The following COL5A1 variants were observed in gnomAD, a reference collection of about 807,000 sequenced individuals.
The protein encoded by COL5A1 is collagen alpha-1(V) chain.
In COL5A1, 16 loss-of-function variants were observed where a neutral mutation model predicts 263.7. The observed-to-expected ratio is 0.06, with a 90% CI of 0.04 to 0.09. The LOEUF (loss-of-function observed/expected upper bound fraction) is 0.09. COL5A1 is among the 10% of genes least tolerant of loss of function. The probability of loss-of-function intolerance (pLI) is 1.00; values close to 1 mark genes in which losing one functional copy is unlikely to be tolerated. For missense variants in COL5A1, 2,036 were observed against 2,540.5 expected (o/e 0.80, Z 4.27); for synonymous variants, 1,012 against 1,004.5 (o/e 1.01, Z -0.14).
At chr9:134,666,758 A>T (rs1564374886) in intron 1 of COL5A1, among the ~76,000 whole-genome samples, 1 of 152,134 alleles carries the variant, frequency 6.6e-6, no homozygotes, top group Non-Finnish European at 1.5e-5. Flanking sequence ...GGGGACACAA[A>T]CCTGGGCTGG....
At chr9:134,814,953 C>G (rs1248197201) in intron 50 of COL5A1, 49 bp downstream of exon 50, 2 of 1,331,972 alleles carry the variant, frequency 1.5e-6, no homozygotes, top group Admixed American at 2.0e-5. Context: ...GGGCGGGGCT[C>G]TGCACTGGGA....
At position 134,716,786 on chromosome 9, in the gene COL5A1, C is replaced by G. The variant is rs1218099485; in HGVS notation, c.655-10480C>G. 6.6e-6 allele frequency among the ~76,000 whole-genome samples: 1 copy of G among 152,184 alleles called. No homozygotes were observed. The highest frequency in any genetic ancestry group is 1.9e-4 in the East Asian group (1 of 5,186). On this transcript the variant is annotated intron_variant, in intron 4 of 65. Transcript: ENST00000371817. This position sits in a 1 kb window ranked among gnomAD's most constrained non-coding sequence, Gnocchi z 4.5. ...GCGGCCCACCCCCATGTTGGAGACA[C>G]AGATGTGTCATTTTGCAGCCTTGCA...
chr9:134,647,832 C>G lies in COL5A1; in HGVS notation c.109+5536C>G, dbSNP rs534106101. Among the ~76,000 whole-genome samples the G allele has an allele frequency of 3.3e-5, 5 of 152,310 alleles. No homozygotes were observed. In the South Asian group the frequency reaches 1.0e-3, roughly 32 times the overall value. On this transcript the variant is annotated intron_variant, in intron 1 of 65. Transcript: ENST00000371817. This position sits in a 1 kb window ranked among gnomAD's most constrained non-coding sequence, Gnocchi z 5.0. ...CGTCTGCTCTCTCTCAGTGCTTTGCCAAGTGTCGGTTTTAAAGTTTCTGGC... is the reference window on the plus strand; with the variant it reads ...CGTCTGCTCTCTCTCAGTGCTTTGCGAAGTGTCGGTTTTAAAGTTTCTGGC...
rs1162031707 is a variant in COL5A1, at chr9:134,675,240, T to A, written c.110-15672T>A. ...AACTCCCATAGGAGCATAAAGAGAA[T>A]GAATGTCCCTCAGACTTTCAGTACT... On this transcript the variant is annotated intron_variant, in intron 1 of 65. Transcript: ENST00000371817. Among the ~76,000 whole-genome samples the A allele has an allele frequency of 4.6e-5, 7 of 152,308 alleles. No homozygotes were observed. In the East Asian group the frequency reaches 1.4e-3, roughly 29 times the overall value.
rs567339292 is a variant in COL5A1, at chr9:134,700,177, C to T, written c.491+55C>T. ...CCTGCTGGAGGGGGGATCAGGCCAG[C>T]TCATACCACTGACCAGATGTGGGGC... On this transcript the variant is annotated intron_variant, in intron 3 of 65. Coordinates refer to ENST00000371817, the MANE Select transcript of COL5A1 (RefSeq NM_000093.5). The surrounding 1 kb of genome is among the most constrained non-coding windows in gnomAD (Gnocchi z 4.0). 7.1e-5 allele frequency: 109 copies of T among 1,527,226 alleles called. No homozygotes were observed. The African/African-American group carries it at 1.3e-3, about 18-fold the overall frequency. The allele number at this position is 1,527,226 out of a possible 1,614,324, so 94.6% of individuals were successfully genotyped here. A position where few individuals can be genotyped will look rare whatever the true frequency, so the allele number is the denominator to read the frequency against.
rs1229160146 is a variant in COL5A1 at position 134,841,210 on chromosome 9, C to G, written c.5371-947C>G. On this transcript the variant is annotated intron_variant, in intron 65 of 65. Coordinates refer to ENST00000371817, the MANE Select transcript of COL5A1 (RefSeq NM_000093.5). This position sits in a 1 kb window ranked among gnomAD's most constrained non-coding sequence, Gnocchi z 4.8. ...TAAATCCAGTCTGGGTCTGAGGTAG[C>G]AAAAGCCATCTGCCCAGGATGCGTT... Among the ~76,000 whole-genome samples the G allele has an allele frequency of 6.6e-6, 1 of 152,222 alleles. No individual in the cohort carries two copies. The highest frequency in any genetic ancestry group is 1.5e-5 in the Non-Finnish European group (1 of 68,046).
At chr9:134,648,034 C>T (rs1019553370) in intron 1 of COL5A1, among the ~76,000 whole-genome samples, 1 of 152,030 alleles carries the variant, frequency 6.6e-6, no homozygotes, top group Non-Finnish European at 1.5e-5. Context: ...GAAGGCAGAC[C>T]CACCGTTAAT....
intron 2 of COL5A1, among the ~76,000 whole-genome samples, chr9:134,695,256 T>G (rs1417232128): frequency 6.6e-6 from 1 of 152,188 alleles, no homozygotes; most frequent in Non-Finnish European, 1.5e-5. Flanking sequence ...CACACCCCCC[T>G]GCCCCTTGGC....
rs1044190525 is a variant in COL5A1 at position 134,819,981 on chromosome 9, TC to T, written c.4447-131del. On this transcript the variant is annotated intron_variant, in intron 57 of 65. Transcript: ENST00000371817. The stretch of plus-strand genomic sequence containing the variant: ...CACCTGGCCCCTCTGTTGAGCCTGT[TC>T]CCCTTCCAGGGGAGGCTGACCATGA... The T allele has an allele frequency of 2.7e-4, 211 of 773,492 alleles. 4 individuals carry two copies. In the African/African-American group the frequency reaches 3.0e-3, roughly 11 times the overall value. 47.9% of individuals were successfully genotyped at this position (773,492 alleles called of 1,614,324 possible). A position where few individuals can be genotyped will look rare whatever the true frequency, so the allele number is the denominator to read the frequency against.
Position 134,765,843 on chromosome 9 carries a change from T to A in COL5A1, c.2088+109T>A. 1 of 867,192 alleles carries A rather than the reference T, an allele frequency of 1.2e-6. No individual in the cohort carries two copies. Among genetic ancestry groups the A allele is most frequent in the Non-Finnish European group, 1.8e-6 (1 of 549,626 alleles). 53.7% of individuals were successfully genotyped at this position (867,192 alleles called of 1,614,324 possible). A position where few individuals can be genotyped will look rare whatever the true frequency, so the allele number is the denominator to read the frequency against. On this transcript the variant is annotated intron_variant, in intron 21 of 65. Transcript: ENST00000371817. This position sits in a 1 kb window ranked among gnomAD's most constrained non-coding sequence, Gnocchi z 5.1. Reference sequence around the variant, plus strand: ...GGGGCAGCAAGTCCGTGCTGGCCCCTCTGGCGCCTGCCTGCTGCCAGTGTG... The same window carrying A: ...GGGGCAGCAAGTCCGTGCTGGCCCCACTGGCGCCTGCCTGCTGCCAGTGTG...
rs1437690385 is a variant in COL5A1 at position 134,818,088 on chromosome 9, G to C, written c.4230+257G>C. Among the ~76,000 whole-genome samples, 2 of 152,230 alleles carry C rather than the reference G, an allele frequency of 1.3e-5. No homozygotes were observed. The highest frequency in any genetic ancestry group is 1.3e-4 in the Admixed American group (2 of 15,288). ...GGCGGGTGGTGGGTGCGGGATTCAG[G>C]GAGCCCAAGGCTGAGTAGTTATGTC... On this transcript the variant is annotated intron_variant, in intron 54 of 65. Transcript: ENST00000371817. This position sits in a 1 kb window ranked among gnomAD's most constrained non-coding sequence, Gnocchi z 6.0.
rs184543250 is a variant in COL5A1, at chr9:134,666,969, T to C, written c.110-23943T>C. ...GGGGATGACATGACCCCAGTGCTGA[T>C]GACAGGGTGATGACACATAACCATT... On this transcript the variant is annotated intron_variant, in intron 1 of 65. Transcript: ENST00000371817. 7.9e-5 allele frequency among the ~76,000 whole-genome samples: 12 copies of C among 152,376 alleles called. No homozygotes were observed. In the East Asian group the frequency reaches 1.7e-3, roughly 22 times the overall value.
intron 1 of COL5A1, among the ~76,000 whole-genome samples, chr9:134,685,684 A>G (rs1177743495): frequency 1.0e-3 from 140 of 136,972 alleles, no homozygotes; most frequent in African/African-American, 3.9e-3. Flanking sequence ...TCCACCATCC[A>G]TCCACCATCA....
intron 1 of COL5A1, among the ~76,000 whole-genome samples, chr9:134,655,475 T>G (rs940849469): frequency 2.6e-5 from 4 of 152,078 alleles, no homozygotes; most frequent in Admixed American, 2.6e-4. Context: ...TCGTAGCACC[T>G]TCCTGTGCCT....
chr9:134,830,800 T>C (rs918516622), intron 64 of COL5A1, among the ~76,000 whole-genome samples: 12 of 152,174 alleles, frequency 7.9e-5, no homozygotes, highest in Non-Finnish European at 1.5e-5. Context: ...TTCTGGCCGG[T>C]GTAGTGCCCA....
At position 134,753,726 on chromosome 9, in the gene COL5A1, T is replaced by A. The variant is rs1278380376; in HGVS notation, c.1720-124T>A. The A allele has an allele frequency of 8.2e-6, 6 of 733,408 alleles. No individual in the cohort carries two copies. In the East Asian group the frequency reaches 1.6e-4, roughly 19 times the overall value. The allele number at this position is 733,408 out of a possible 1,614,324, so 45.4% of individuals were successfully genotyped here. On this transcript the variant is annotated intron_variant, in intron 14 of 65. Transcript: ENST00000371817. The stretch of plus-strand genomic sequence containing the variant: ...TTCGAGGCAGACAGGTCGCGCTTTG[T>A]GTGCTGAGCACCGTGGCCGAAGCCC...
chr9:134,830,356 C>T (rs1344833581), intron 64 of COL5A1: 2 of 646,090 alleles, frequency 3.1e-6, no homozygotes, highest in Non-Finnish European at 5.4e-6. Flanking sequence ...CCCCGCCACC[C>T]TGACAAGAGT....
chr9:134,768,351 G>A (rs973097334), intron 24 of COL5A1, 59 bp from the exon 25 acceptor site: 6 of 1,454,790 alleles, frequency 4.1e-6, no homozygotes, highest in East Asian at 2.3e-5. Flanking sequence ...GGTGGCCGAC[G>A]GAGAGGTCAG....
chr9:134,796,048 G>T (rs923853347), intron 34 of COL5A1, among the ~76,000 whole-genome samples: 2 of 140,122 alleles, frequency 1.4e-5, no homozygotes, highest in African/African-American at 6.6e-5. Flanking sequence ...GCCCTAGAGC[G>T]GGTCCCTGCG....
Sources: allele counts gnomAD v4.1 joint callset (sites outside exome capture counted in the v4.1 genomes callset), GRCh38; gene constraint gnomAD v4.1.1; non-coding constraint Gnocchi (gnomAD v3.1); transcripts MANE v1.5; gene names NCBI Gene and HGNC (gene_info 2026-07-23, HGNC 2026-07-21).